The following IGFL2 variants were observed in gnomAD, a reference collection of about 807,000 sequenced individuals.
IGFL2 encodes the protein IGF like family member 2.
IGFL2 carries 7 observed loss-of-function variants against 13.9 expected under a neutral mutation model. The ratio of observed to expected loss-of-function variants is 0.51; its 90% confidence interval spans 0.29 to 0.95. IGFL2 has a LOEUF of 0.95. IGFL2 is among the 40% of genes least tolerant of loss of function. The probability of loss-of-function intolerance (pLI) is 0.08; values close to 1 mark genes in which losing one functional copy is unlikely to be tolerated. For missense variants in IGFL2, 138 were observed against 147.8 expected, an observed-to-expected ratio of 0.93 and a Z score of 0.34; for synonymous variants, 55 against 55.8, an observed-to-expected ratio of 0.99 and a Z score of 0.07.
chr19:46,150,951 C>T (rs958751163), intron 1 of IGFL2, among the ~76,000 whole-genome samples: 1 of 152,220 alleles, frequency 6.6e-6, no homozygotes, highest in Non-Finnish European at 1.5e-5. Flanking sequence ...CAGGTATGAG[C>T]CATCACGTCC....
chr19:46,145,451 G>A (rs140002282), upstream of IGFL2, among the ~76,000 whole-genome samples: 7 of 152,036 alleles, frequency 4.6e-5, no homozygotes, highest in East Asian at 1.4e-3. Flanking sequence ...GTTTCCACAC[G>A]TGACTTACCT....
At chr19:46,201,337 C>G in the IGFL2 span, among the ~76,000 whole-genome samples, 47 of 152,382 alleles carry the variant, frequency 3.1e-4, no homozygotes, top group Middle Eastern at 0.021. Flanking sequence ...TAAAAATGCC[C>G]CAGCCTTGCT....
downstream of IGFL2, among the ~76,000 whole-genome samples, chr19:46,165,856 C>T (rs1974377464): frequency 2.0e-5 from 3 of 152,246 alleles, no homozygotes; most frequent in African/African-American, 7.2e-5. Flanking sequence ...GCATCAATAG[C>T]TGGTCCATCT....
chr19:46,116,902 A>G, the IGFL2 span, among the ~76,000 whole-genome samples: 3 of 152,176 alleles, frequency 2.0e-5, no homozygotes, highest in Non-Finnish European at 2.9e-5. Context: ...CTTATATTAA[A>G]TTATTTATAT....
chr19:46,128,008 T>C, the IGFL2 span, among the ~76,000 whole-genome samples: 1 of 152,162 alleles, frequency 6.6e-6, no homozygotes, highest in Admixed American at 6.5e-5. Context: ...GTTTGAGCAT[T>C]ATTTTGTAGT....
the IGFL2 span, among the ~76,000 whole-genome samples, chr19:46,183,788 G>A: frequency 3.3e-5 from 5 of 151,922 alleles, no homozygotes; most frequent in East Asian, 1.9e-4. Flanking sequence ...TGCCTGCCTC[G>A]GCCTTCCAAA....
chr19:46,096,443 T>A, the IGFL2 span, among the ~76,000 whole-genome samples: 19 of 152,142 alleles, frequency 1.2e-4, 1 homozygote, highest in African/African-American at 3.6e-4. Flanking sequence ...GGTTTTCTAG[T>A]TATAGGATCA....
the IGFL2 span, among the ~76,000 whole-genome samples, chr19:46,186,168 G>T: frequency 0.011 from 1,613 of 152,234 alleles, 33 homozygotes; most frequent in East Asian, 0.071. Flanking sequence ...TACTGGGGCC[G>T]GGCTGATTGC....
At chr19:46,189,865 C>G in the IGFL2 span, 1 of 152,012 alleles carries the variant, frequency 6.6e-6, no homozygotes, top group Non-Finnish European at 1.5e-5. Context: ...TATATGTTTT[C>G]TTTATTATAC....
upstream of IGFL2, among the ~76,000 whole-genome samples, chr19:46,143,598 A>T (rs980596557): frequency 2.6e-5 from 4 of 152,228 alleles, no homozygotes; most frequent in Non-Finnish European, 5.9e-5. Flanking sequence ...CAAAAATTAC[A>T]TGCAGATTTT....
the IGFL2 span, among the ~76,000 whole-genome samples, chr19:46,200,297 A>G: frequency 1.3e-5 from 2 of 152,028 alleles, no homozygotes; most frequent in Admixed American, 1.3e-4. Flanking sequence ...GCCCCTGAGT[A>G]GCTGGGTCTA....
chr19:46,176,126 T>G, the IGFL2 span, among the ~76,000 whole-genome samples: 1 of 146,462 alleles, frequency 6.8e-6, no homozygotes, highest in Non-Finnish European at 1.5e-5. Context: ...GTCCTGGGAT[T>G]ACAGGCGTGA....
the IGFL2 span, among the ~76,000 whole-genome samples, chr19:46,190,746 G>C: frequency 8.9e-4 from 136 of 152,290 alleles, no homozygotes; most frequent in African/African-American, 3.2e-3. Context: ...CTTCCCCCAT[G>C]GGGGGTGGGG....
At chr19:46,080,250 T>A in the IGFL2 span, among the ~76,000 whole-genome samples, 1 of 152,164 alleles carries the variant, frequency 6.6e-6, no homozygotes, top group African/African-American at 2.4e-5. Flanking sequence ...AGAATACATT[T>A]AAGCTGCGAG....
At chr19:46,100,401 G>A in the IGFL2 span, among the ~76,000 whole-genome samples, 2 of 152,080 alleles carry the variant, frequency 1.3e-5, no homozygotes, top group Admixed American at 6.6e-5. Flanking sequence ...GATTTTAAGG[G>A]CTCCAAATTT....
At chr19:46,153,879 T>C (rs2146857137) in intron 1 of IGFL2, among the ~76,000 whole-genome samples, 1 of 151,326 alleles carries the variant, frequency 6.6e-6, no homozygotes, top group Middle Eastern at 3.4e-3. Flanking sequence ...GTGCTGAACA[T>C]GCAGGTTTGT....
chr19:46,192,454 C>G, the IGFL2 span, among the ~76,000 whole-genome samples: 3 of 149,562 alleles, frequency 2.0e-5, no homozygotes, highest in Non-Finnish European at 4.4e-5. Context: ...GAGTCTCGCT[C>G]TGTCACCCAG....
the IGFL2 span, among the ~76,000 whole-genome samples, chr19:46,133,392 C>T: frequency 3.2e-4 from 49 of 152,266 alleles, no homozygotes; most frequent in African/African-American, 1.1e-3. Flanking sequence ...GTCTGGCTTC[C>T]GTTGGCTGGA....
chr19:46,098,478 C>CTTTT, the IGFL2 span, among the ~76,000 whole-genome samples: 3 of 128,392 alleles, frequency 2.3e-5, no homozygotes, highest in African/African-American at 8.9e-5. Flanking sequence ...CAATCTGTGT[C>CTTTT]TTTTTTTTTT....
Sources: allele counts gnomAD v4.1 joint callset (sites outside exome capture counted in the v4.1 genomes callset), GRCh38; gene constraint gnomAD v4.1.1; transcripts MANE v1.5; gene names NCBI Gene and HGNC (gene_info 2026-07-23, HGNC 2026-07-21).